FMNL2: variants seen among roughly 807,000 people sequenced by gnomAD.
FMNL2 encodes formin-like protein 2.
A neutral mutation model predicts 130.2 loss-of-function variants in FMNL2; 51 were observed. The ratio of observed to expected loss-of-function variants is 0.39; its 90% CI spans 0.31 to 0.49. The LOEUF is 0.49. FMNL2 is among the 20% of genes least tolerant of loss of function. The probability of loss-of-function intolerance (pLI) is 0.85; values close to 1 mark genes in which losing one functional copy is unlikely to be tolerated. For synonymous variants in FMNL2, 465 were observed against 467.1 expected (o/e 1.00, Z 0.06); for missense variants, 977 against 1,316.2 (o/e 0.74, Z 3.99).
intron 23 of FMNL2, among the ~76,000 whole-genome samples, 157 bp downstream of exon 23, chr2:152,637,831 A>G (rs1161657004): frequency 6.6e-6 from 1 of 152,148 alleles, no homozygotes; most frequent in Non-Finnish European, 1.5e-5. Context: ...GTGGAGGCTG[A>G]GGGACATTAT....
At chr2:152,575,967 T>A (rs966509201) in intron 7 of FMNL2, among the ~76,000 whole-genome samples, 1 of 152,144 alleles carries the variant, frequency 6.6e-6, no homozygotes, top group Non-Finnish European at 1.5e-5. Flanking sequence ...GCTGGGTTAA[T>A]CTTAACAACA....
chr2:152,392,645 C>T (rs6746538), intron 1 of FMNL2, among the ~76,000 whole-genome samples: 125,698 of 152,140 alleles, frequency 0.83, 52,191 homozygotes, highest in East Asian at 0.94. Flanking sequence ...TTAATCCCAT[C>T]GAGAGGGAGA....
In FMNL2 at chr2:152,458,466, G is replaced by A. The variant is rs140095549; in HGVS notation, c.118-63477G>A. The stretch of plus-strand genomic sequence containing the variant: ...TGCCTGGGTCATTCCTTCCAAACCA[G>A]AATGTGCCCTTCCCTTATTTCTGCC... On this transcript the variant is annotated intron_variant, in intron 1 of 25. Coordinates refer to ENST00000288670, the MANE Select transcript of FMNL2 (RefSeq NM_052905.4). Among the ~76,000 whole-genome samples, 3 of 152,270 alleles carry A rather than the reference G, an allele frequency of 2.0e-5. No homozygotes were observed. In the East Asian group the frequency reaches 5.8e-4, roughly 29 times the overall value.
chr2:152,342,064 C>T (rs1266282449), intron 1 of FMNL2, among the ~76,000 whole-genome samples: 1 of 152,112 alleles, frequency 6.6e-6, no homozygotes, highest in Non-Finnish European at 1.5e-5. Flanking sequence ...GTAGGTGCTT[C>T]CTGGGCTTAA....
chr2:152,439,789 G>T (rs1353622912), intron 1 of FMNL2, among the ~76,000 whole-genome samples: 4 of 148,992 alleles, frequency 2.7e-5, no homozygotes, highest in African/African-American at 1.0e-4. Flanking sequence ...TCATATTTAA[G>T]TTAATTTGGT....
intron 1 of FMNL2, among the ~76,000 whole-genome samples, chr2:152,393,639 T>C (rs149407897): frequency 3.9e-4 from 60 of 152,376 alleles, no homozygotes; most frequent in African/African-American, 1.3e-3. Context: ...GTGAACATTT[T>C]CTATTTTATT....
chr2:152,369,709 TGA>T (rs1203645188), intron 1 of FMNL2, among the ~76,000 whole-genome samples: 2 of 152,242 alleles, frequency 1.3e-5, no homozygotes, highest in Non-Finnish European at 2.9e-5. Flanking sequence ...CCATGGGGTC[TGA>T]GTTAGTGTGA....
At chr2:152,636,394 G>A (rs904509780) in intron 21 of FMNL2, 33 bp from the exon 22 acceptor site, 1 of 1,589,830 alleles carries the variant, frequency 6.3e-7, no homozygotes, top group East Asian at 2.3e-5. Context: ...CTTCCCCATT[G>A]AGTTTCACTG....
chr2:152,438,531 TTTTTTTA>T (rs1193563727), intron 1 of FMNL2, among the ~76,000 whole-genome samples: 2 of 152,186 alleles, frequency 1.3e-5, no homozygotes, highest in African/African-American at 2.4e-5. Context: ...ATATAGGTGG[TTTTTTTA>T]TTTTTTATTT....
rs147551011 is a variant in FMNL2 at position 152,497,051 on chromosome 2, G to A, written c.118-24892G>A. ...TCCTAAGATGTCAGTACTTCTAGCCGTTCTCAACAGATAGAGCTAGGAAGT... is the reference window on the plus strand; with the variant it reads ...TCCTAAGATGTCAGTACTTCTAGCCATTCTCAACAGATAGAGCTAGGAAGT... On this transcript the variant is annotated intron_variant, in intron 1 of 25. Transcript: ENST00000288670. Among the ~76,000 whole-genome samples, 669 of 152,198 alleles carry A rather than the reference G, an allele frequency of 4.4e-3. 4 individuals are homozygous for A. The highest frequency in any genetic ancestry group is 0.017 in the Middle Eastern group (5 of 294).
Position 152,637,679 on chromosome 2 carries a change from A to G in FMNL2, c.2946+5A>G, listed in dbSNP as rs1423307131. 2 of 1,611,974 alleles carry G rather than the reference A, an allele frequency of 1.2e-6. No individual in the cohort carries two copies. Among genetic ancestry groups the G allele is most frequent in the African/African-American group, 1.3e-5 (1 of 74,856 alleles). On this transcript the variant is annotated splice_donor_5th_base_variant and intron_variant, in intron 23 of 25. Transcript: ENST00000288670. ...CGGTTTGTGAAAGCATATAAGGTAT[A>G]TGTTAAGGCCCTCCTTGCCCTTATT...
At chr2:152,520,240 T>A (rs1461265953) in intron 1 of FMNL2, among the ~76,000 whole-genome samples, 1 of 152,166 alleles carries the variant, frequency 6.6e-6, no homozygotes, top group Non-Finnish European at 1.5e-5. Flanking sequence ...TTGAAAACTC[T>A]TTATAAAGTC....
At chr2:152,338,327 ACAG>A (rs1340882032) in intron 1 of FMNL2, among the ~76,000 whole-genome samples, 2 of 152,204 alleles carry the variant, frequency 1.3e-5, no homozygotes, top group Non-Finnish European at 2.9e-5. Context: ...TCAATAATTA[ACAG>A]ACTGTTTCAA....
intron 11 of FMNL2, among the ~76,000 whole-genome samples, chr2:152,613,126 T>C (rs1412515157): frequency 6.6e-6 from 1 of 152,254 alleles, no homozygotes; most frequent in Admixed American, 6.5e-5. Flanking sequence ...TAGATTTCCA[T>C]TAAAATGTTG....
intron 1 of FMNL2, among the ~76,000 whole-genome samples, chr2:152,451,860 T>G (rs1436273713): frequency 6.6e-6 from 1 of 152,160 alleles, no homozygotes. Context: ...TTGATAAGCC[T>G]AGGCCTGTGT....
chr2:152,443,965 A>G (rs1265885469), intron 1 of FMNL2, among the ~76,000 whole-genome samples: 1 of 152,214 alleles, frequency 6.6e-6, no homozygotes, highest in Non-Finnish European at 1.5e-5. Flanking sequence ...TCCGTCGTGC[A>G]TTCACACAGT....
intron 1 of FMNL2, among the ~76,000 whole-genome samples, chr2:152,499,530 A>C (rs1691693420): frequency 6.6e-6 from 1 of 152,204 alleles, no homozygotes; most frequent in South Asian, 2.1e-4. Flanking sequence ...CAAAGAAATG[A>C]CTAGACAGAA....
intron 1 of FMNL2, among the ~76,000 whole-genome samples, chr2:152,412,942 A>G (rs1203990495): frequency 6.6e-6 from 1 of 152,188 alleles, no homozygotes; most frequent in African/African-American, 2.4e-5. Flanking sequence ...AATAGCAGCA[A>G]TCTCATGGCT....
chr2:152,643,420 G>C (rs1391449121), intron 25 of FMNL2: 1 of 1,536,012 alleles, frequency 6.5e-7, no homozygotes, highest in Non-Finnish European at 8.7e-7. Flanking sequence ...TCAATGCAGT[G>C]CTGAAGACTG....
Sources: gnomAD v4.1 joint callset for allele counts (sites outside exome capture counted in the v4.1 genomes callset) on GRCh38, gnomAD v4.1.1 for gene constraint, MANE v1.5 for transcripts, NCBI Gene and HGNC (gene_info 2026-07-23, HGNC 2026-07-21) for gene names.